BAZ2A: variants seen among roughly 807,000 people sequenced by gnomAD.
BAZ2A encodes the protein bromodomain adjacent to zinc finger domain 2A.
BAZ2A carries 34 observed loss-of-function variants against 199.9 expected under a neutral mutation model. That is an observed-to-expected ratio of 0.17 (90% confidence interval 0.13 to 0.23). BAZ2A has a LOEUF of 0.23. Ranked by LOEUF, BAZ2A falls within the 10% of genes least tolerant of loss-of-function variation. The pLI, the probability that BAZ2A is intolerant of heterozygous loss-of-function variation, is 1.00. For synonymous variants in BAZ2A, 857 were observed against 883.9 expected (o/e 0.97, Z 0.54); for missense variants, 2,002 against 2,391.1 (o/e 0.84, Z 3.39).
Position 56,598,567 on chromosome 12 carries a change from G to C in BAZ2A, c.*51C>G. ...CAGCAGGTGAAAATGGCAGGTTTTT[G>C]TTTGGAAGGTGGGGGGAGATGCCAC... On this transcript the variant is annotated 3_prime_UTR_variant, in exon 29 of 29. Coordinates refer to ENST00000549884, the MANE Select transcript of BAZ2A (RefSeq NM_001300905.2). 6.3e-7 allele frequency: 1 copy of C among 1,581,082 alleles called. No individual in the cohort carries two copies. Among genetic ancestry groups the C allele is most frequent in the Non-Finnish European group, 8.6e-7 (1 of 1,164,604 alleles).
At chr12:56,614,186 T>G (rs772766876) in intron 3 of BAZ2A, 48 bp from the exon 4 acceptor site, 1 of 1,568,230 alleles carries the variant, frequency 6.4e-7, no homozygotes, top group Non-Finnish European at 8.7e-7. Flanking sequence ...TGCCTTATAT[T>G]GGTTCACTTA....
At chr12:56,628,125 T>C (rs1337215034) in intron 1 of BAZ2A, among the ~76,000 whole-genome samples, 1 of 118,768 alleles carries the variant, frequency 8.4e-6, no homozygotes, top group Non-Finnish European at 1.6e-5. Context: ...GAGGTTGCAG[T>C]GAGACAAGAT....
intron 15 of BAZ2A, 90 bp from the exon 16 acceptor site, chr12:56,604,381 T>C (rs1456509519): frequency 1.4e-5 from 20 of 1,420,090 alleles, no homozygotes; most frequent in Non-Finnish European, 1.8e-5. Context: ...GAAAAAGGAG[T>C]TCCAGCCTAG....
Position 56,600,093 on chromosome 12 carries a change from T to A in BAZ2A, c.4896A>T (p.Ser1632=). Residue 1632 remains serine, a synonymous_variant, in exon 25 of 29, where the codon TCA becomes TCT. Coordinates refer to ENST00000549884, the MANE Select transcript of BAZ2A (RefSeq NM_001300905.2). Reference sequence around the variant, plus strand: ...CACGAATGCGAGGGGTGATCTCATATGATCTGGAGGGAGAAAGTGGTGATC... The same window carrying A: ...CACGAATGCGAGGGGTGATCTCATAAGATCTGGAGGGAGAAAGTGGTGATC... The part of the protein sequence containing the change: ...GAPEGTTTEI[S]YEITPRIRVW... 1 of 1,613,994 alleles carries A rather than the reference T, an allele frequency of 6.2e-7. No homozygotes were observed. Among genetic ancestry groups the A allele is most frequent in the Non-Finnish European group, 8.5e-7 (1 of 1,179,832 alleles).
At chr12:56,609,299 G>A (rs1950482909) in intron 10 of BAZ2A, among the ~76,000 whole-genome samples, 2 of 151,714 alleles carry the variant, frequency 1.3e-5, no homozygotes, top group Admixed American at 6.6e-5. Flanking sequence ...GCCTGCCTCA[G>A]CCTCCTGGGT....
At chr12:56,610,628 A>C in intron 7 of BAZ2A, 111 bp from the exon 8 acceptor site, 1 of 898,098 alleles carries the variant, frequency 1.1e-6, no homozygotes, top group Middle Eastern at 2.3e-4. Flanking sequence ...TTGTATCTCT[A>C]GAACTGCATG....
At position 56,598,605 on chromosome 12, in the gene BAZ2A, C is replaced by T. The variant is rs758827911; in HGVS notation, c.*13G>A. On this transcript the variant is annotated 3_prime_UTR_variant, in exon 29 of 29. Transcript: ENST00000549884. ...GGGGAGATGCCACAAGGTGACTCCC[C>T]ACCTCCCTTGCCTCACAGATTGGCC... The T allele has an allele frequency of 1.9e-6, 3 of 1,611,774 alleles. No individual in the cohort carries two copies. Among genetic ancestry groups the T allele is most frequent in the South Asian group, 2.2e-5 (2 of 90,758 alleles).
intron 7 of BAZ2A, among the ~76,000 whole-genome samples, chr12:56,610,984 AAAGT>A (rs1374930149): frequency 6.6e-6 from 1 of 152,192 alleles, no homozygotes; most frequent in Non-Finnish European, 1.5e-5. Context: ...AGCAGAACAC[AAAGT>A]TAGTCAGAGT....
In BAZ2A at chr12:56,604,737, C is replaced by T; in HGVS notation, c.2811G>A (p.Glu937=). The change falls in exon 15 of 29, where the codon GAG becomes GAA. Residue 937 remains glutamate (E), a synonymous_variant. Transcript: ENST00000549884. ...EIPLTRDNVS[E]ILRCFLMAYG... is the part of the protein sequence containing the mutation. The stretch of plus-strand genomic sequence containing the variant: ...ATGCCATAAGGAAGCAGCGCAGGAT[C>T]TCTGACACATTGTCTCTTGTCAGTG... 6.2e-7 allele frequency: 1 copy of T among 1,613,906 alleles called. No individual in the cohort carries two copies. The highest frequency in any genetic ancestry group is 2.2e-5 in the East Asian group (1 of 44,874).
At position 56,596,588 on chromosome 12, in the gene BAZ2A, A is replaced by G. The variant is rs777033145; in HGVS notation, c.*2030T>C. 1.3e-5 allele frequency: 2 copies of G among 152,262 alleles called. No homozygotes were observed. Among genetic ancestry groups the G allele is most frequent in the Non-Finnish European group, 2.9e-5 (2 of 67,806 alleles). 9.4% of individuals were successfully genotyped at this position (152,262 alleles called of 1,614,324 possible). On this transcript the variant is annotated 3_prime_UTR_variant, in exon 29 of 29. Coordinates refer to ENST00000549884, the MANE Select transcript of BAZ2A (RefSeq NM_001300905.2). ...ACTCCCCCATCCACCTCACAATGAAATTAATCTAGCACATCTTATACCAGG... is the reference window on the plus strand; with the variant it reads ...ACTCCCCCATCCACCTCACAATGAAGTTAATCTAGCACATCTTATACCAGG...
In BAZ2A at chr12:56,603,696, T is replaced by G; in HGVS notation, c.3043A>C (p.Lys1015Gln). ...CCAGTTCGCTTGGCCAGAACAGTTTTCAGCCTTGAAATAGATGGAGAAAGA... is the reference window on the plus strand; with the variant it reads ...CCAGTTCGCTTGGCCAGAACAGTTTGCAGCCTTGAAATAGATGGAGAAAGA... ...WIVEGRLRRLKTVLAKRTGRS... is the reference protein window; with the variant it reads ...WIVEGRLRRLQTVLAKRTGRS... The change falls in exon 17 of 29, where the codon AAA becomes CAA. Residue 1015 changes from lysine (K) to glutamine (Q), a missense_variant. Physicochemically the swap from Lys to Gln is moderately conservative, Grantham distance 53. This residue lies in a region of BAZ2A where 1,081 missense variants were observed against 1,274.7 expected (regional missense o/e 0.85). Transcript: ENST00000549884. The G allele has an allele frequency of 1.2e-6, 2 of 1,613,964 alleles. No individual in the cohort carries two copies. The highest frequency in any genetic ancestry group is 4.5e-5 in the East Asian group (2 of 44,890).
At chr12:56,624,348 C>T (rs144037013) in intron 1 of BAZ2A, among the ~76,000 whole-genome samples, 12 of 152,274 alleles carry the variant, frequency 7.9e-5, no homozygotes, top group African/African-American at 1.2e-4. Flanking sequence ...AAAACTGTCA[C>T]GTCCAGGCTG....
At chr12:56,638,228 T>C, upstream of BAZ2A, 3 of 990,484 alleles carry the variant, frequency 3.0e-6, no homozygotes, top group Admixed American at 4.5e-5. Context: ...AGAAAGAATA[T>C]ATCTTCAATC....
At chr12:56,617,268 C>T in intron 2 of BAZ2A, 127 bp downstream of exon 2, 1 of 1,152,432 alleles carries the variant, frequency 8.7e-7, no homozygotes, top group Non-Finnish European at 1.1e-6. Context: ...TTCCAAAAAA[C>T]CCTAGAACTT....
In BAZ2A at chr12:56,611,615, C is replaced by T. The variant is rs757698987; in HGVS notation, c.1628G>A (p.Arg543His). The T allele has an allele frequency of 1.9e-6, 3 of 1,610,342 alleles. No homozygotes were observed. Among genetic ancestry groups the T allele is most frequent in the East Asian group, 2.2e-5 (1 of 44,892 alleles). The change falls in exon 7 of 29, where the codon CGT (arginine) becomes CAT (histidine). Residue 543 changes from arginine to histidine, a missense_variant. By Grantham distance (29) the Arg-to-His change is conservative (BLOSUM62 0). This residue lies in a region of BAZ2A where 641 missense variants were observed against 694.5 expected (regional missense o/e 0.92). Transcript: ENST00000549884. ...ASGSGDVMRR[R>H]IATPEEVRLP... is the part of the protein sequence containing the mutation. ...ACGAACTTCTTCTGGGGTAGCAATA[C>T]GTCTCCTCATGACATCACCTTGGGA...
At chr12:56,608,308 C>T (rs1950432134) in intron 10 of BAZ2A, among the ~76,000 whole-genome samples, 1 of 149,816 alleles carries the variant, frequency 6.7e-6, no homozygotes, top group Non-Finnish European at 1.5e-5. Flanking sequence ...GGAGGCAGAG[C>T]TTGTAGTGAG....
Position 56,615,368 on chromosome 12 carries a change from C to T in BAZ2A, c.376G>A (p.Gly126Arg). ...GGGGATGAAGGTTGCCGGCTGCCCCCAAGGATGCCGTTGAGTGGGTATTGT... is the reference window on the plus strand; with the variant it reads ...GGGGATGAAGGTTGCCGGCTGCCCCTAAGGATGCCGTTGAGTGGGTATTGT... ...GGQYPLNGIL[G>R]GSRQPSSPSH... Residue 126 changes from glycine to arginine, a missense_variant, in exon 3 of 29, where the codon GGG (glycine) becomes AGG (arginine). Coordinates refer to ENST00000549884, the MANE Select transcript of BAZ2A (RefSeq NM_001300905.2). 1 of 1,613,578 alleles carries T rather than the reference C, an allele frequency of 6.2e-7. No homozygotes were observed. Among genetic ancestry groups the T allele is most frequent in the Non-Finnish European group, 8.5e-7 (1 of 1,179,676 alleles).
rs764188929 is a variant in BAZ2A, at chr12:56,603,323, A to G, written c.3279+36T>C. Reference sequence around the variant, plus strand: ...AAGCTGATCAATTCTTGCCCAGCCCATATCTCCAACTCTTGGGAGGTTAGA... The same window carrying G: ...AAGCTGATCAATTCTTGCCCAGCCCGTATCTCCAACTCTTGGGAGGTTAGA... On this transcript the variant is annotated intron_variant, in intron 18 of 28. Coordinates refer to ENST00000549884, the MANE Select transcript of BAZ2A (RefSeq NM_001300905.2). The G allele has an allele frequency of 1.1e-5, 18 of 1,603,142 alleles. No individual in the cohort carries two copies. In the South Asian group the frequency reaches 1.2e-4, roughly 11 times the overall value.
At chr12:56,603,228 A>AC in intron 18 of BAZ2A, 131 bp downstream of exon 18, 1 of 1,043,346 alleles carries the variant, frequency 9.6e-7, no homozygotes, top group Non-Finnish European at 1.4e-6. Context: ...TGATCGTGCC[A>AC]CTGCACTCCA....
Sources: allele counts gnomAD v4.1 joint callset (sites outside exome capture counted in the v4.1 genomes callset), GRCh38; gene constraint gnomAD v4.1.1; regional missense constraint gnomAD v4.1.1; transcripts MANE v1.5; gene names NCBI Gene and HGNC (gene_info 2026-07-23, HGNC 2026-07-21).